Variants in ENO4 observed in about 807,000 individuals in gnomAD.
The protein encoded by ENO4 is enolase 4.
A neutral mutation model predicts 63.2 loss-of-function variants in ENO4; 53 were observed. The observed-to-expected ratio is 0.84, with a 90% CI of 0.67 to 1.05. The LOEUF is 1.05. Among genes scored for constraint, ENO4 ranks in the 50% least tolerant of loss-of-function variants. The pLI is 0.00. For synonymous variants in ENO4, 266 were observed against 283.8 expected (o/e 0.94, Z 0.63); for missense variants, 719 against 772.0 (o/e 0.93, Z 0.81).
intron 6 of ENO4, among the ~76,000 whole-genome samples, chr10:116,862,367 G>C (rs1354432374): frequency 1.3e-5 from 2 of 152,120 alleles, no homozygotes; most frequent in Non-Finnish European, 2.9e-5. Context: ...GGGAGGTTGA[G>C]GCAAGAGAAT....
intron 10 of ENO4, among the ~76,000 whole-genome samples, chr10:116,905,883 G>A (rs1050350071): frequency 6.6e-6 from 1 of 152,124 alleles, no homozygotes; most frequent in Admixed American, 6.5e-5. Flanking sequence ...CTGAAGACAC[G>A]CACAGTTATG....
At chr10:116,909,693 A>G (rs984851401) in intron 10 of ENO4, among the ~76,000 whole-genome samples, 1 of 152,226 alleles carries the variant, frequency 6.6e-6, no homozygotes, top group Non-Finnish European at 1.5e-5. Context: ...TGTTCAACTC[A>G]GAAAATAGAA....
intron 10 of ENO4, among the ~76,000 whole-genome samples, chr10:116,889,774 C>A (rs1002022953): frequency 6.6e-6 from 1 of 152,178 alleles, no homozygotes; most frequent in African/African-American, 2.4e-5. Context: ...TCATTCTTTC[C>A]GAATCCGTTT....
rs1035048862 is a variant in ENO4 at position 116,879,858 on chromosome 10, C to T, written c.1606-11C>T. 32 of 1,543,736 alleles carry T rather than the reference C, an allele frequency of 2.1e-5. No homozygotes were observed. The African/African-American group carries it at 3.7e-4, about 18-fold the overall frequency. On this transcript the variant is annotated splice_polypyrimidine_tract_variant and intron_variant, in intron 12 of 13. Coordinates refer to ENST00000341276, the MANE Select transcript of ENO4 (RefSeq NM_001242699.2). Reference sequence around the variant, plus strand: ...TCCTCCGTCTAAAATTAGTTTTTTCCCCCCTTTCAGGCTGTTGGGCTTGGT... The same window carrying T: ...TCCTCCGTCTAAAATTAGTTTTTTCTCCCCTTTCAGGCTGTTGGGCTTGGT...
At chr10:116,855,403 G>A (rs1218039479) in intron 1 of ENO4, among the ~76,000 whole-genome samples, 1 of 152,142 alleles carries the variant, frequency 6.6e-6, no homozygotes, top group Admixed American at 6.5e-5. Flanking sequence ...AGAGACTCAG[G>A]AGTGGGCTGA....
chr10:116,884,691 T>C (rs1847112211), downstream of ENO4: 1 of 156,144 alleles, frequency 6.4e-6, no homozygotes, highest in Non-Finnish European at 1.4e-5. Flanking sequence ...TCTTAGGGAC[T>C]ATTAAAAATT....
intron 10 of ENO4, among the ~76,000 whole-genome samples, chr10:116,895,717 G>A (rs755402801): frequency 1.3e-5 from 2 of 152,064 alleles, no homozygotes; most frequent in African/African-American, 2.4e-5. Context: ...GACACTAAAC[G>A]CAGTACACCA....
downstream of ENO4, chr10:116,886,356 GCTGT>G (rs1443781605): frequency 4.5e-6 from 7 of 1,553,548 alleles, no homozygotes; most frequent in East Asian, 2.4e-5. Context: ...AGCAGTTGGA[GCTGT>G]CTGTCTCTCT....
chr10:116,888,722 G>T (rs1847240496), intron 10 of ENO4, among the ~76,000 whole-genome samples: 1 of 152,166 alleles, frequency 6.6e-6, no homozygotes, highest in South Asian at 2.1e-4. Context: ...CCAGTTAGGT[G>T]AGTCAGCACA....
At chr10:116,881,229 C>T (rs1379468521) in intron 13 of ENO4, among the ~76,000 whole-genome samples, 3 of 152,212 alleles carry the variant, frequency 2.0e-5, no homozygotes, top group African/African-American at 7.2e-5. Context: ...CAGTTTATCA[C>T]CTTCCTCTTA....
rs1196361852 is a variant in ENO4 at position 116,856,696 on chromosome 10, T to G, written c.485+14T>G. On this transcript the variant is annotated intron_variant, in intron 3 of 13. Transcript: ENST00000341276. ...TCACCTACTCAGGTACAGTTTCCAC[T>G]TTGAAATATAAACATCAAGTACAAG... The G allele has an allele frequency of 4.0e-6, 6 of 1,504,292 alleles. No individual in the cohort carries two copies. Among genetic ancestry groups the G allele is most frequent in the Non-Finnish European group, 5.3e-6 (6 of 1,130,696 alleles). 93.2% of individuals were successfully genotyped at this position (1,504,292 alleles called of 1,614,324 possible). A position where few individuals can be genotyped will look rare whatever the true frequency, so the allele number is the denominator to read the frequency against.
At chr10:116,901,837 G>T (rs760201067) in intron 10 of ENO4, 1 of 1,605,218 alleles carries the variant, frequency 6.2e-7, no homozygotes, top group Non-Finnish European at 8.5e-7. Context: ...TGTTGGGGGG[G>T]ACGGGCTGTT....
In ENO4 at chr10:116,876,002, T is replaced by C. The variant is rs554586963; in HGVS notation, c.1342-63T>C. 1.0e-4 allele frequency: 126 copies of C among 1,253,878 alleles called. No individual in the cohort carries two copies. In the African/African-American group the frequency reaches 1.7e-3, roughly 17 times the overall value. The allele number at this position is 1,253,878 out of a possible 1,614,324, so 77.7% of individuals were successfully genotyped here. On this transcript the variant is annotated intron_variant, in intron 10 of 13. Transcript: ENST00000341276. Reference sequence around the variant, plus strand: ...GTGAGCTTGAGTATGTGCTATATTATTCCTGTTGTTTTGTAATTATGTTCA... The same window carrying C: ...GTGAGCTTGAGTATGTGCTATATTACTCCTGTTGTTTTGTAATTATGTTCA...
intron 10 of ENO4, among the ~76,000 whole-genome samples, chr10:116,896,324 G>A (rs2133312659): frequency 6.6e-6 from 1 of 152,168 alleles, no homozygotes; most frequent in African/African-American, 2.4e-5. Flanking sequence ...CTTATTTATT[G>A]CTTGACTTAT....
intron 10 of ENO4, among the ~76,000 whole-genome samples, chr10:116,893,576 G>GCACA (rs6144113): frequency 7.3e-5 from 9 of 123,592 alleles, no homozygotes; most frequent in Admixed American, 1.7e-4. Flanking sequence ...GCACTCATGT[G>GCACA]CACACACACA....
chr10:116,878,706 GTAATAAAA>G (rs1846904819), intron 11 of ENO4, among the ~76,000 whole-genome samples: 2 of 83,220 alleles, frequency 2.4e-5, no homozygotes, highest in South Asian at 4.8e-4. Flanking sequence ...CCTTTTAGTG[GTAATAAAA>G]TAATAGTGCA....
chr10:116,872,920 A>G (rs947892121), intron 9 of ENO4, among the ~76,000 whole-genome samples: 2 of 152,224 alleles, frequency 1.3e-5, no homozygotes, highest in Non-Finnish European at 2.9e-5. Context: ...CACATAAAAG[A>G]ATATTTAAAG....
At chr10:116,880,172 C>A (rs1171126230) in intron 13 of ENO4, among the ~76,000 whole-genome samples, 186 bp downstream of exon 13, 4 of 152,150 alleles carry the variant, frequency 2.6e-5, no homozygotes, top group Admixed American at 6.5e-5. Context: ...ATCTATTTAC[C>A]TGAATGTTTA....
intron 9 of ENO4, among the ~76,000 whole-genome samples, chr10:116,872,385 C>T (rs1180634056): frequency 6.6e-6 from 1 of 152,054 alleles, no homozygotes; most frequent in African/African-American, 2.4e-5. Flanking sequence ...CCCATGATTC[C>T]CATGTATCAT....
Sources: gnomAD v4.1 joint callset for allele counts (sites outside exome capture counted in the v4.1 genomes callset) on GRCh38, gnomAD v4.1.1 for gene constraint, MANE v1.5 for transcripts, NCBI Gene and HGNC (gene_info 2026-07-23, HGNC 2026-07-21) for gene names.